DIS3L2: variants seen among roughly 807,000 people sequenced by gnomAD.
The protein encoded by DIS3L2 is DIS3 like 3'-5' exoribonuclease 2, also known as DIS3-like exonuclease 2.
In DIS3L2, 34 loss-of-function variants were observed where a neutral mutation model predicts 97.5. The observed-to-expected ratio is 0.35, with a 90% CI of 0.27 to 0.46. The LOEUF (loss-of-function observed/expected upper bound fraction) is 0.46. DIS3L2 is among the 20% of genes least tolerant of loss of function. DIS3L2 has a pLI of 1.00. For missense variants in DIS3L2, 1,038 were observed against 1,146.0 expected (o/e 0.91, Z 1.36); for synonymous variants, 435 against 445.2 (o/e 0.98, Z 0.29).
At chr2:232,300,015 CT>C (rs1286725792) in intron 13 of DIS3L2, 24 bp from the exon 14 acceptor site, 1 of 1,610,730 alleles carries the variant, frequency 6.2e-7, no homozygotes, top group Non-Finnish European at 8.5e-7. Flanking sequence ...CCTAAAACTT[CT>C]TTTTCTCTTC....
At position 232,324,841 on chromosome 2, in the gene DIS3L2, G is replaced by A. The variant is rs551631736; in HGVS notation, c.1740-4972G>A. Reference sequence around the variant, plus strand: ...AGGGAAACAAATTGAGATTACATGAGCTTAAGAAGCAAGTGAGTGGTAGGG... The same window carrying A: ...AGGGAAACAAATTGAGATTACATGAACTTAAGAAGCAAGTGAGTGGTAGGG... On this transcript the variant is annotated intron_variant, in intron 14 of 20. Coordinates refer to ENST00000325385, the MANE Select transcript of DIS3L2 (RefSeq NM_152383.5). Among the ~76,000 whole-genome samples the A allele has an allele frequency of 3.9e-5, 6 of 152,304 alleles. No individual in the cohort carries two copies. In the South Asian group the frequency reaches 1.2e-3, roughly 32 times the overall value.
chr2:231,969,244 A>AT (rs199950242), intron 1 of DIS3L2, among the ~76,000 whole-genome samples: 2,454 of 148,466 alleles, frequency 0.017, 21 homozygotes, highest in Non-Finnish European at 0.023. Context: ...AATATGATTG[A>AT]TTTTTTTACA....
At position 232,300,092 on chromosome 2, in the gene DIS3L2, A is replaced by C. The variant is rs1438379709; in HGVS notation, c.1712A>C (p.His571Pro). The C allele has an allele frequency of 6.2e-7, 1 of 1,613,814 alleles. No individual in the cohort carries two copies. Among genetic ancestry groups the C allele is most frequent in the Non-Finnish European group, 8.5e-7 (1 of 1,179,840 alleles). Reference sequence around the variant, plus strand: ...GAGACCGGATTGCCTCAAGGATGTCATATCTATGAGTACCGCGAGAGCAAC... The same window carrying C: ...GAGACCGGATTGCCTCAAGGATGTCCTATCTATGAGTACCGCGAGAGCAAC... ...DHETGLPQGC[H>P]IYEYRESNKL... Residue 571 changes from histidine to proline, a missense_variant, in exon 14 of 21, where the codon CAT becomes CCT. Transcript: ENST00000325385.
intron 6 of DIS3L2, among the ~76,000 whole-genome samples, chr2:232,096,255 T>C (rs1022598539): frequency 1.3e-5 from 2 of 151,808 alleles, no homozygotes; most frequent in Non-Finnish European, 2.9e-5. Flanking sequence ...CTCGGCTAAT[T>C]TTTTGTATTT....
chr2:232,329,785 T>TCCCGGGGGGCCCCCC, intron 14 of DIS3L2, 28 bp from the exon 15 acceptor site: 35 of 967,126 alleles, frequency 3.6e-5, no homozygotes, highest in East Asian at 6.2e-5. Flanking sequence ...ACCCCAGCGG[T>TCCCGGGGGGCCCCCC]CCCTCCCATC....
intron 13 of DIS3L2, among the ~76,000 whole-genome samples, chr2:232,286,762 C>T (rs1042545770): frequency 6.6e-6 from 1 of 152,140 alleles, no homozygotes; most frequent in Non-Finnish European, 1.5e-5. Context: ...CCCTTTACTT[C>T]TCTACTAAGC....
intron 13 of DIS3L2, among the ~76,000 whole-genome samples, chr2:232,284,621 C>T (rs982478734): frequency 1.3e-5 from 2 of 152,172 alleles, no homozygotes; most frequent in Non-Finnish European, 2.9e-5. Context: ...TTCTGGAAGG[C>T]ACTAGGGATA....
At position 232,014,988 on chromosome 2, in the gene DIS3L2, A is replaced by G. The variant is rs1255712146; in HGVS notation, c.52+9A>G. The G allele has an allele frequency of 6.2e-7, 1 of 1,613,796 alleles. No homozygotes were observed. On this transcript the variant is annotated intron_variant, in intron 2 of 20. Coordinates refer to ENST00000325385, the MANE Select transcript of DIS3L2 (RefSeq NM_152383.5). ...CCTGGGGACCCCCAGAGGTAGTAAA[A>G]GGAAAATGGAGTCTGCCTGAATAAC...
intron 9 of DIS3L2, chr2:232,172,777 A>C (rs773693270): frequency 1.9e-6 from 1 of 534,138 alleles, no homozygotes; most frequent in East Asian, 5.5e-5. Context: ...TCCATATCCT[A>C]ACACTTGTTA....
At chr2:231,967,445 T>C (rs1315184655) in intron 1 of DIS3L2, among the ~76,000 whole-genome samples, 5 of 152,236 alleles carry the variant, frequency 3.3e-5, no homozygotes. Context: ...AGGGACCAGC[T>C]TTCCACATGG....
chr2:231,966,932 A>G (rs1363520735), intron 1 of DIS3L2, among the ~76,000 whole-genome samples: 1 of 152,122 alleles, frequency 6.6e-6, no homozygotes, highest in Non-Finnish European at 1.5e-5. Context: ...CATAGCAAGA[A>G]CTTGATGCCT....
intron 13 of DIS3L2, among the ~76,000 whole-genome samples, chr2:232,285,029 G>A (rs11901692): frequency 0.31 from 47,337 of 152,060 alleles, 8,610 homozygotes; most frequent in East Asian, 0.49. Flanking sequence ...TAAATAATAG[G>A]AAGTGGCTAT....
chr2:232,026,308 A>G (rs1374294924), intron 4 of DIS3L2, among the ~76,000 whole-genome samples: 1 of 152,094 alleles, frequency 6.6e-6, no homozygotes, highest in Non-Finnish European at 1.5e-5. Flanking sequence ...ACACCTTCAT[A>G]TACCTGAGTT....
chr2:232,337,610 C>T (rs959944150), downstream of DIS3L2, among the ~76,000 whole-genome samples: 40 of 152,136 alleles, frequency 2.6e-4, no homozygotes, highest in Non-Finnish European at 4.7e-4. Flanking sequence ...CTCCTTCCCC[C>T]TCCGTGGGGG....
chr2:232,142,486 A>G (rs1432511084), intron 8 of DIS3L2, among the ~76,000 whole-genome samples: 1 of 152,130 alleles, frequency 6.6e-6, no homozygotes, highest in East Asian at 1.9e-4. Flanking sequence ...ATGATGTTAG[A>G]GGACCTTAGA....
chr2:232,055,828 C>T (rs1025767940), intron 5 of DIS3L2, among the ~76,000 whole-genome samples: 2 of 152,138 alleles, frequency 1.3e-5, no homozygotes, highest in African/African-American at 4.8e-5. Flanking sequence ...TATATGGTCA[C>T]TTGATTATGA....
intron 8 of DIS3L2, among the ~76,000 whole-genome samples, chr2:232,137,016 C>T (rs1409901375): frequency 6.6e-6 from 1 of 152,086 alleles, no homozygotes; most frequent in East Asian, 1.9e-4. Flanking sequence ...ACTTGTGTAC[C>T]ACAGATAATT....
Position 231,966,190 on chromosome 2 carries a change from A to G in DIS3L2, c.-94+4425A>G, listed in dbSNP as rs1692708702. 5.8e-5 allele frequency among the ~76,000 whole-genome samples: 8 copies of G among 138,096 alleles called. No individual in the cohort carries two copies. In the South Asian group the frequency reaches 1.8e-3, roughly 31 times the overall value. The allele number at this position is 138,096 out of a possible 152,430, so 90.6% of individuals were successfully genotyped here. A position where few individuals can be genotyped will look rare whatever the true frequency, so the allele number is the denominator to read the frequency against. ...CTTCTTCTTTTTTTTTTTTTTTGAG[A>G]CAGAGACTTACTCTGTTGCCCAGGC... On this transcript the variant is annotated intron_variant, in intron 1 of 20. Transcript: ENST00000325385.
chr2:232,147,539 T>C (rs1453665727), intron 8 of DIS3L2, among the ~76,000 whole-genome samples: 1 of 152,226 alleles, frequency 6.6e-6, no homozygotes, highest in African/African-American at 2.4e-5. Context: ...TTCTAAGTTA[T>C]TTTTGAAGGA....
Sources: allele counts gnomAD v4.1 joint callset (sites outside exome capture counted in the v4.1 genomes callset), GRCh38; gene constraint gnomAD v4.1.1; transcripts MANE v1.5; gene names NCBI Gene and HGNC (gene_info 2026-07-23, HGNC 2026-07-21).